The following RGS6 variants were observed in gnomAD, a reference collection of about 807,000 sequenced individuals.
The protein encoded by RGS6 is regulator of G-protein signaling 6.
RGS6 carries 30 observed loss-of-function variants against 78.5 expected under a neutral mutation model. That is an observed-to-expected ratio of 0.38 (90% CI 0.29 to 0.52). RGS6 has a LOEUF of 0.52. Among genes scored for constraint, RGS6 ranks in the 20% least tolerant of loss-of-function variants. RGS6 has a pLI of 0.85. For synonymous variants in RGS6, 206 were observed against 206.0 expected (o/e 1.00, Z 0.00); for missense variants, 495 against 609.7 (o/e 0.81, Z 1.98).
intron 2 of RGS6, among the ~76,000 whole-genome samples, chr14:72,099,525 C>G (rs1027170313): frequency 5.3e-5 from 8 of 152,100 alleles, no homozygotes; most frequent in Non-Finnish European, 1.2e-4. Context: ...ACCTTAGGCA[C>G]AGGTGGAGGG....
At chr14:72,435,724 C>CTTCTCA (rs1166265103) in intron 3 of RGS6, among the ~76,000 whole-genome samples, 2 of 151,688 alleles carry the variant, frequency 1.3e-5, no homozygotes, top group African/African-American at 2.4e-5. Flanking sequence ...CATGTTTGTG[C>CTTCTCA]TTCTCATTCT....
At chr14:72,469,966 C>A in intron 7 of RGS6, 41 bp from the exon 8 acceptor site, 1 of 1,461,088 alleles carries the variant, frequency 6.8e-7, no homozygotes, top group Non-Finnish European at 9.6e-7. Flanking sequence ...TGCTAATTTA[C>A]GATGATTAAT....
At chr14:72,271,067 C>T (rs1398765208) in intron 2 of RGS6, among the ~76,000 whole-genome samples, 2 of 152,202 alleles carry the variant, frequency 1.3e-5, no homozygotes, top group Non-Finnish European at 1.5e-5. Context: ...GAAGCAGCAT[C>T]AGCCATGTGT....
chr14:72,286,268 C>A (rs35584903), intron 2 of RGS6, among the ~76,000 whole-genome samples: 79,979 of 152,090 alleles, frequency 0.53, 22,996 homozygotes, highest in Non-Finnish European at 0.64. Flanking sequence ...AAGGGACTAA[C>A]CTTTCTCCAT....
intron 2 of RGS6, among the ~76,000 whole-genome samples, chr14:71,981,117 T>A (rs1442495717): frequency 6.7e-6 from 1 of 148,976 alleles, no homozygotes; most frequent in Admixed American, 6.7e-5. Flanking sequence ...CTCCATCAGC[T>A]CCTTTAAGCA....
At chr14:72,423,428 A>T (rs1300697723) in intron 3 of RGS6, among the ~76,000 whole-genome samples, 1 of 151,878 alleles carries the variant, frequency 6.6e-6, no homozygotes, top group Non-Finnish European at 1.5e-5. Context: ...CAATGTATTC[A>T]TTCAACAATG....
chr14:72,437,340 C>CAAAA (rs57302818), intron 3 of RGS6, among the ~76,000 whole-genome samples: 4 of 80,994 alleles, frequency 4.9e-5, no homozygotes, highest in Non-Finnish European at 7.6e-5. Context: ...GACTCCATCT[C>CAAAA]AAAAAAAAAA....
chr14:72,137,152 A>C (rs1274891505), intron 2 of RGS6, among the ~76,000 whole-genome samples: 2 of 152,204 alleles, frequency 1.3e-5, no homozygotes, highest in Non-Finnish European at 2.9e-5. Context: ...ACTAAGGTGC[A>C]GCCACTGGGT....
chr14:72,196,692 T>C (rs1324357089), intron 2 of RGS6, among the ~76,000 whole-genome samples: 1 of 152,270 alleles, frequency 6.6e-6, no homozygotes, highest in African/African-American at 2.4e-5. Context: ...CCTCTTCAAA[T>C]ACTTGGGATT....
intron 2 of RGS6, among the ~76,000 whole-genome samples, chr14:72,061,107 G>T (rs546186917): frequency 6.6e-5 from 10 of 152,332 alleles, no homozygotes; most frequent in African/African-American, 2.2e-4. Context: ...TGTGGCTAAT[G>T]AAATGTGAGC....
chr14:72,367,208 C>A (rs12147284), intron 3 of RGS6, among the ~76,000 whole-genome samples: 8,991 of 152,232 alleles, frequency 0.059, 449 homozygotes, highest in East Asian at 0.29. Flanking sequence ...TTGATGCGTT[C>A]TCCCTGAACA....
intron 2 of RGS6, among the ~76,000 whole-genome samples, chr14:72,090,372 C>T (rs951148427): frequency 1.3e-5 from 2 of 152,146 alleles, no homozygotes; most frequent in Non-Finnish European, 2.9e-5. Context: ...GCCTGAGCTC[C>T]GTCCACCTCC....
the RGS6 span, among the ~76,000 whole-genome samples, chr14:72,593,714 T>C: frequency 6.6e-6 from 1 of 152,176 alleles, no homozygotes; most frequent in African/African-American, 2.4e-5. Context: ...ATCCACTGTA[T>C]AACTCTTATG....
the RGS6 span, among the ~76,000 whole-genome samples, chr14:72,595,746 G>A: frequency 1.5e-3 from 231 of 152,308 alleles, no homozygotes; most frequent in Non-Finnish European, 2.7e-3. Context: ...GGTTACTCTG[G>A]TATTTAGCAT....
At position 72,087,270 on chromosome 14, in the gene RGS6, A is replaced by G. The variant is rs570160217; in HGVS notation, c.84+122395A>G. The stretch of plus-strand genomic sequence containing the variant: ...CTCAGCCTCCCAAGTAGCTAGGATT[A>G]CAGGTGCATGCTACCATGCCCGGCT... On this transcript the variant is annotated intron_variant, in intron 2 of 17. Transcript: ENST00000553525. Among the ~76,000 whole-genome samples the G allele has an allele frequency of 3.5e-4, 54 of 152,220 alleles. 2 individuals carry two copies. In the South Asian group the frequency reaches 0.011, roughly 32 times the overall value.
At chr14:72,567,481 C>A (rs1041701162), downstream of RGS6, among the ~76,000 whole-genome samples, 1 of 152,232 alleles carries the variant, frequency 6.6e-6, no homozygotes, top group African/African-American at 2.4e-5. Context: ...GAGCAGGGCT[C>A]TGCTTTCAGG....
intron 5 of RGS6, among the ~76,000 whole-genome samples, chr14:72,458,666 T>C (rs1001994497): frequency 6.6e-6 from 1 of 152,070 alleles, no homozygotes; most frequent in African/African-American, 2.4e-5. Context: ...AACAAAAAAT[T>C]TACTTCTCAT....
At chr14:72,129,871 C>T (rs1431495589) in intron 2 of RGS6, among the ~76,000 whole-genome samples, 1 of 152,180 alleles carries the variant, frequency 6.6e-6, no homozygotes, top group African/African-American at 2.4e-5. Flanking sequence ...TGATGAGGCA[C>T]CACTGTTTTC....
chr14:71,961,768 A>G (rs568553500), intron 1 of RGS6, among the ~76,000 whole-genome samples: 1 of 152,312 alleles, frequency 6.6e-6, no homozygotes, highest in South Asian at 2.1e-4. Flanking sequence ...CACATTCTTC[A>G]AATGTTAATA....
Sources: gnomAD v4.1 joint callset for allele counts (sites outside exome capture counted in the v4.1 genomes callset) on GRCh38, gnomAD v4.1.1 for gene constraint, MANE v1.5 for transcripts, NCBI Gene and HGNC (gene_info 2026-07-23, HGNC 2026-07-21) for gene names.